FADS2: variants seen among roughly 807,000 people sequenced by gnomAD.
FADS2 encodes the protein acyl-CoA 6-desaturase.
A neutral mutation model predicts 61.2 loss-of-function variants in FADS2; 18 were observed. The ratio of observed to expected loss-of-function variants is 0.29; its 90% CI spans 0.20 to 0.44. The LOEUF (loss-of-function observed/expected upper bound fraction) is 0.44. Among genes scored for constraint, FADS2 ranks in the 20% least tolerant of loss-of-function variants. The pLI is 1.00. For missense variants in FADS2, 322 were observed against 572.7 expected (o/e 0.56, Z 4.47); for synonymous variants, 203 against 223.9 (o/e 0.91, Z 0.83).
At chr11:61,844,797 C>CGGGT (rs1565331692) in intron 4 of FADS2, among the ~76,000 whole-genome samples, 1 of 146,918 alleles carries the variant, frequency 6.8e-6, no homozygotes, top group Non-Finnish European at 1.5e-5. Flanking sequence ...TGGTGGCACA[C>CGGGT]GCCTGCAGTC....
At chr11:61,848,370 T>G (rs1373162752) in intron 5 of FADS2, 86 bp downstream of exon 5, 3 of 1,592,416 alleles carry the variant, frequency 1.9e-6, no homozygotes, top group Non-Finnish European at 2.6e-6. Flanking sequence ...GGAGATGGTG[T>G]TGACCTAGGA....
chr11:61,842,871 G>A (rs2067227834), intron 4 of FADS2, among the ~76,000 whole-genome samples: 1 of 152,236 alleles, frequency 6.6e-6, no homozygotes, highest in Non-Finnish European at 1.5e-5. Context: ...CTACAGGGAG[G>A]TCCTCAAGGG....
chr11:61,822,490 C>T (rs373647055), intron 1 of FADS2, among the ~76,000 whole-genome samples: 119 of 152,256 alleles, frequency 7.8e-4, no homozygotes, highest in African/African-American at 2.8e-3. Flanking sequence ...TAAGGCCACC[C>T]TGGTTCAAAG....
At chr11:61,858,783 ACCATGTTGGC>A (rs758360656) in intron 7 of FADS2, among the ~76,000 whole-genome samples, 24 of 151,074 alleles carry the variant, frequency 1.6e-4, no homozygotes, top group Non-Finnish European at 3.4e-4. Context: ...ATGGGGTTTC[ACCATGTTGGC>A]CAGGCTGGTC....
chr11:61,836,458 C>T (rs532525937), intron 1 of FADS2, among the ~76,000 whole-genome samples: 1 of 151,836 alleles, frequency 6.6e-6, no homozygotes, highest in African/African-American at 2.4e-5. Context: ...GTGGCACCAT[C>T]ATTGCTTATT....
intron 5 of FADS2, among the ~76,000 whole-genome samples, chr11:61,852,288 T>G (rs1469014676): frequency 6.6e-6 from 1 of 152,200 alleles, no homozygotes; most frequent in East Asian, 1.9e-4. Flanking sequence ...TGAGACAAGG[T>G]CATGCTCTGT....
At chr11:61,863,943 G>A (rs781459579) in intron 10 of FADS2, 157 bp downstream of exon 10, 57 of 632,828 alleles carry the variant, frequency 9.0e-5, no homozygotes, top group Non-Finnish European at 1.5e-4. Context: ...GCCCCGCTGA[G>A]GTCAGGAGAG....
chr11:61,825,892 C>CA (rs921831633), upstream of FADS2: 441 of 567,226 alleles, frequency 7.8e-4, no homozygotes, highest in South Asian at 1.2e-3. Context: ...GACTGCATCT[C>CA]AAAAAAAAAT....
intron 7 of FADS2, among the ~76,000 whole-genome samples, chr11:61,858,100 C>T (rs1469592407): frequency 6.6e-6 from 1 of 152,142 alleles, no homozygotes; most frequent in Admixed American, 6.5e-5. Context: ...TGGTTGATGG[C>T]TTTCGTCCTC....
rs146754696 is a variant in FADS2 at position 61,829,168 on chromosome 11, G to A, written c.207+571G>A. ...CTGGGAAAAACCGCCCAGCAGCTCG[G>A]GTTCCCACGCTCCAGGGATTATCTA... is the stretch of plus-strand genomic sequence containing the variant. On this transcript the variant is annotated intron_variant, in intron 1 of 11. Transcript: ENST00000278840. The A allele has an allele frequency of 2.8e-3, 430 of 153,370 alleles. 2 individuals are homozygous for A. Among genetic ancestry groups the A allele is most frequent in the Middle Eastern group, 0.027 (8 of 298 alleles). The allele number at this position is 153,370 out of a possible 1,614,324, so 9.5% of individuals were successfully genotyped here. A position where few individuals can be genotyped will look rare whatever the true frequency, so the allele number is the denominator to read the frequency against.
At chr11:61,822,074 A>G (rs2067040116) in intron 1 of FADS2, among the ~76,000 whole-genome samples, 1 of 151,510 alleles carries the variant, frequency 6.6e-6, no homozygotes, top group South Asian at 2.1e-4. Context: ...GGCTCACGCC[A>G]TTCTCCTGCC....
rs528940796 is a variant in FADS2, at chr11:61,865,088, G to C, written c.1158-64G>C. ...CAGCCAGCCTCTGCCCAGGTGGTGG[G>C]AGGAAGCGGGAGCAGCATGGCCCTC... On this transcript the variant is annotated intron_variant, in intron 10 of 11. Coordinates refer to ENST00000278840, the MANE Select transcript of FADS2 (RefSeq NM_004265.4). The surrounding 1 kb of genome is among the most constrained non-coding windows in gnomAD (Gnocchi z 4.1). 1.3e-6 allele frequency: 2 copies of C among 1,562,104 alleles called. No homozygotes were observed. Among genetic ancestry groups the C allele is most frequent in the East Asian group, 4.5e-5 (2 of 44,082 alleles).
chr11:61,848,043 A>C (rs1183422258), intron 4 of FADS2, 116 bp from the exon 5 acceptor site: 2 of 1,255,264 alleles, frequency 1.6e-6, no homozygotes, highest in East Asian at 5.0e-5. Context: ...GGGGGCCTGA[A>C]GTGCTATCCC....
chr11:61,849,908 G>A (rs2067290914), intron 5 of FADS2: 1 of 151,706 alleles, frequency 6.6e-6, no homozygotes, highest in African/African-American at 2.4e-5. Context: ...GTGTGCGTCT[G>A]TGGTCCCAGG....
At position 61,865,615 on chromosome 11, in the gene FADS2, C is replaced by G. The variant is rs2067461461; in HGVS notation, c.1284-23C>G. On this transcript the variant is annotated intron_variant, in intron 11 of 11. Coordinates refer to ENST00000278840, the MANE Select transcript of FADS2 (RefSeq NM_004265.4). The surrounding 1 kb of genome is among the most constrained non-coding windows in gnomAD (Gnocchi z 4.1). The stretch of plus-strand genomic sequence containing the variant: ...GCCACTCCCGTCCTGGTCCCTGACC[C>G]TGGTCCATCCCCAACTTTGCAGGTC... The G allele has an allele frequency of 6.2e-7, 1 of 1,611,682 alleles. No individual in the cohort carries two copies. Among genetic ancestry groups the G allele is most frequent in the Non-Finnish European group, 8.5e-7 (1 of 1,178,636 alleles).
At chr11:61,824,515 GAAAGAAAGAA>G (rs1239209691), upstream of FADS2, among the ~76,000 whole-genome samples, 4,375 of 120,706 alleles carry the variant, frequency 0.036, 78 homozygotes, top group Middle Eastern at 0.061. Flanking sequence ...AAGAAAGAAA[GAAAGAAAGAA>G]AGAAAAATCA....
intron 7 of FADS2, 199 bp from the exon 8 acceptor site, chr11:61,862,773 A>G (rs1182232759): frequency 1.5e-5 from 9 of 598,750 alleles, no homozygotes; most frequent in Non-Finnish European, 2.7e-5. Context: ...ATGCTAAAAC[A>G]CTCAGCATTT....
intron 9 of FADS2, 39 bp from the exon 10 acceptor site, chr11:61,863,668 C>T: frequency 6.3e-7 from 1 of 1,579,230 alleles, no homozygotes; most frequent in Non-Finnish European, 8.7e-7. Flanking sequence ...GCCCTTGGGC[C>T]TTCCTTTGTT....
chr11:61,830,267 G>C (rs2067117839), intron 1 of FADS2, among the ~76,000 whole-genome samples: 1 of 152,182 alleles, frequency 6.6e-6, no homozygotes, highest in Non-Finnish European at 1.5e-5. Flanking sequence ...TCACCAAAAA[G>C]TTTCCAGAAG....
Sources: allele counts gnomAD v4.1 joint callset (sites outside exome capture counted in the v4.1 genomes callset), GRCh38; gene constraint gnomAD v4.1.1; non-coding constraint Gnocchi (gnomAD v3.1); transcripts MANE v1.5; gene names NCBI Gene and HGNC (gene_info 2026-07-23, HGNC 2026-07-21).